Variants in COL18A1 observed in about 807,000 individuals in gnomAD.
COL18A1 encodes the protein collagen type XVIII alpha 1 chain.
Under a neutral mutation model 168.0 loss-of-function variants are expected in COL18A1, and 133 were observed. That is an observed-to-expected ratio of 0.79 (90% CI 0.69 to 0.91). COL18A1 has a LOEUF of 0.91. COL18A1 is among the 40% of genes least tolerant of loss of function. The pLI is 0.00. For synonymous variants in COL18A1, 949 were observed against 809.0 expected (o/e 1.17, Z -2.94); for missense variants, 2,126 against 1,925.4 (o/e 1.10, Z -1.95).
At chr21:45,467,095 T>A (rs2035238571) in intron 2 of COL18A1, among the ~76,000 whole-genome samples, 1 of 152,246 alleles carries the variant, frequency 6.6e-6, no homozygotes, top group Non-Finnish European at 1.5e-5. Flanking sequence ...CCTCTGCCCC[T>A]GGCCCAGACT....
At chr21:45,503,756 T>TGA (rs2037007359) in intron 32 of COL18A1, among the ~76,000 whole-genome samples, 2 of 151,902 alleles carry the variant, frequency 1.3e-5, no homozygotes, top group Non-Finnish European at 2.9e-5. Context: ...CTGCACATCA[T>TGA]GCACATGTAC....
chr21:45,503,364 G>A (rs2036969306), intron 32 of COL18A1, among the ~76,000 whole-genome samples: 1 of 151,994 alleles, frequency 6.6e-6, no homozygotes, highest in Non-Finnish European at 1.5e-5. Flanking sequence ...CTGCATAAAT[G>A]TCTTCTTTTG....
At chr21:45,433,397 G>T (rs1309233047) in intron 2 of COL18A1, among the ~76,000 whole-genome samples, 1 of 152,198 alleles carries the variant, frequency 6.6e-6, no homozygotes, top group Non-Finnish European at 1.5e-5. Flanking sequence ...AGCCTCTCTG[G>T]TCGTCTTTGT....
Position 45,442,967 on chromosome 21 carries a change from TGGTGCTGGTGTGGGTGGC to T in COL18A1, c.107-25260_107-25243del, listed in dbSNP as rs1313749557. ...TGGGCAGCGGTGCTGATGTGGGTGGTGGTGCTGGTGTGGGTGGCGGTGCTGGTGTGGGCGGCGGTGCTG... is the reference window on the plus strand; with the variant it reads ...TGGGCAGCGGTGCTGATGTGGGTGGTGGTGCTGGTGTGGGCGGCGGTGCTG... On this transcript the variant is annotated intron_variant, in intron 2 of 41. Coordinates refer to ENST00000651438, the MANE Select transcript of COL18A1 (RefSeq NM_001379500.1). 5.8e-4 allele frequency among the ~76,000 whole-genome samples: 65 copies of T among 112,212 alleles called. 1 individual carries two copies. The highest frequency in any genetic ancestry group is 2.3e-3 in the African/African-American group (58 of 25,092). The allele number at this position is 112,212 out of a possible 152,430, so 73.6% of individuals were successfully genotyped here.
At chr21:45,501,271 A>C (rs1006057731) in intron 32 of COL18A1, among the ~76,000 whole-genome samples, 2 of 152,078 alleles carry the variant, frequency 1.3e-5, no homozygotes, top group African/African-American at 4.8e-5. Context: ...AAAAATTGGC[A>C]AAGTGAAAAA....
At chr21:45,481,780 C>T (rs564027801) in intron 13 of COL18A1, among the ~76,000 whole-genome samples, 183 bp from the exon 14 acceptor site, 14 of 152,358 alleles carry the variant, frequency 9.2e-5, no homozygotes, top group Admixed American at 3.9e-4. Flanking sequence ...AATGTGGCCG[C>T]GAAACTGCGG....
chr21:45,468,420 G>C lies in COL18A1; in HGVS notation c.285G>C (p.Leu95=), dbSNP rs1421612587. Residue 95 remains leucine, a synonymous_variant, in exon 3 of 42, where the codon CTG becomes CTC. Transcript: ENST00000651438. ...TCTTCTTCCGTGACTTCTCACTGCTGTTCCACATCCGGCCAGCCACAGAGG... is the reference window on the plus strand; with the variant it reads ...TCTTCTTCCGTGACTTCTCACTGCTCTTCCACATCCGGCCAGCCACAGAGG... ...PSLFFRDFSL[L]FHIRPATEGP... 2 of 1,613,950 alleles carry C rather than the reference G, an allele frequency of 1.2e-6. No homozygotes were observed. The highest frequency in any genetic ancestry group is 2.2e-5 in the East Asian group (1 of 44,894).
chr21:45,435,237 T>G (rs1230839269), intron 2 of COL18A1, among the ~76,000 whole-genome samples: 6 of 75,460 alleles, frequency 8.0e-5, no homozygotes, highest in Admixed American at 3.5e-4. Context: ...GAAGGTGGGG[T>G]GGGGGCGGGA....
chr21:45,512,078 C>T lies in COL18A1; in HGVS notation c.3810-110C>T, dbSNP rs2037643830. On this transcript the variant is annotated intron_variant, in intron 41 of 41. Coordinates refer to ENST00000651438, the MANE Select transcript of COL18A1 (RefSeq NM_001379500.1). ...AGGTTGTGGGAGCCTCTGCAGCCCC[C>T]TGGTAACCCCAGGGCTGGCCTCCTG... 3 of 1,234,322 alleles carry T rather than the reference C, an allele frequency of 2.4e-6. No homozygotes were observed. The South Asian group carries it at 3.9e-5, about 16-fold the overall frequency. The allele number at this position is 1,234,322 out of a possible 1,614,324, so 76.5% of individuals were successfully genotyped here. A position where few individuals can be genotyped will look rare whatever the true frequency, so the allele number is the denominator to read the frequency against.
intron 32 of COL18A1, among the ~76,000 whole-genome samples, chr21:45,500,429 G>A (rs1352125224): frequency 1.4e-4 from 19 of 139,282 alleles, no homozygotes; most frequent in African/African-American, 5.1e-4. Context: ...TGTGGGGTGT[G>A]TGTGGAGTGT....
chr21:45,479,073 G>A (rs570788406), intron 9 of COL18A1, among the ~76,000 whole-genome samples: 3 of 136,660 alleles, frequency 2.2e-5, no homozygotes, highest in Non-Finnish European at 3.2e-5. Context: ...CAGGGTACAC[G>A]CACGCGTGTG....
In COL18A1 at chr21:45,490,272, C is replaced by T. The variant is rs763446887; in HGVS notation, c.1960-3C>T. ...CCCTGCGTCCTCCATGTGACCCTTT[C>T]AGGGAGAAGTTGGAGCAGATGGAGT... On this transcript the variant is annotated splice_polypyrimidine_tract_variant and splice_region_variant and intron_variant, in intron 19 of 41. Transcript: ENST00000651438. 2.5e-6 allele frequency: 4 copies of T among 1,579,560 alleles called. No individual in the cohort carries two copies. The highest frequency in any genetic ancestry group is 3.4e-6 in the Non-Finnish European group (4 of 1,163,442).
At chr21:45,446,134 G>A (rs896148567) in intron 2 of COL18A1, among the ~76,000 whole-genome samples, 1 of 152,170 alleles carries the variant, frequency 6.6e-6, no homozygotes, top group African/African-American at 2.4e-5. Context: ...ATCCAGCTTC[G>A]CCCTTTTGCG....
chr21:45,494,983 A>G (rs1366894582), intron 28 of COL18A1, 68 bp downstream of exon 28: 4 of 1,379,582 alleles, frequency 2.9e-6, no homozygotes, highest in Admixed American at 1.9e-5. Flanking sequence ...GCCCAGGCCC[A>G]CGGGGGTGAC....
chr21:45,484,382 A>G lies in COL18A1; in HGVS notation c.1701+1561A>G, dbSNP rs557434554. 4.0e-4 allele frequency among the ~76,000 whole-genome samples: 49 copies of G among 123,296 alleles called. 1 individual carries two copies. Among genetic ancestry groups the G allele is most frequent in the African/African-American group, 1.6e-3 (46 of 29,068 alleles). 80.9% of individuals were successfully genotyped at this position (123,296 alleles called of 152,430 possible). On this transcript the variant is annotated intron_variant, in intron 15 of 41. Coordinates refer to ENST00000651438, the MANE Select transcript of COL18A1 (RefSeq NM_001379500.1). Reference sequence around the variant, plus strand: ...CGCACACACATACACGCACACACACATCTCCAGCATGTGTGTACACACACA... The same window carrying G: ...CGCACACACATACACGCACACACACGTCTCCAGCATGTGTGTACACACACA...
intron 2 of COL18A1, 77 bp downstream of exon 2, chr21:45,405,550 C>A: frequency 1.1e-6 from 1 of 906,760 alleles, no homozygotes; most frequent in Non-Finnish European, 1.4e-6. Context: ...CCCCGCCCGG[C>A]TCCCTCACCC....
At chr21:45,472,098 G>A (rs1218866720) in intron 3 of COL18A1, among the ~76,000 whole-genome samples, 1 of 152,206 alleles carries the variant, frequency 6.6e-6, no homozygotes. Flanking sequence ...GGCCTCACGG[G>A]CCTCTCTGGA....
chr21:45,471,530 C>T lies in COL18A1; in HGVS notation c.652-2365C>T, dbSNP rs1054328525. The stretch of plus-strand genomic sequence containing the variant: ...ACCCTGGCGCTGCCACAGATGGTGC[C>T]TGGGACCCCCGGCCGCAGCTGGGTC... On this transcript the variant is annotated intron_variant, in intron 3 of 41. Transcript: ENST00000651438. This position sits in a 1 kb window ranked among gnomAD's most constrained non-coding sequence, Gnocchi z 4.4. Among the ~76,000 whole-genome samples, 4 of 152,332 alleles carry T rather than the reference C, an allele frequency of 2.6e-5. No individual in the cohort carries two copies. The highest frequency in any genetic ancestry group is 7.2e-5 in the African/African-American group (3 of 41,566).
At chr21:45,455,930 ACTGAGAG>A in intron 2 of COL18A1, 1 of 1,613,024 alleles carries the variant, frequency 6.2e-7, no homozygotes, top group Non-Finnish European at 8.5e-7. Context: ...CACTGTCCCC[ACTGAGAG>A]CTTGGCCAGG....
Sources: gnomAD v4.1 joint callset for allele counts (sites outside exome capture counted in the v4.1 genomes callset) on GRCh38, gnomAD v4.1.1 for gene constraint, Gnocchi (gnomAD v3.1) non-coding constraint, MANE v1.5 for transcripts, NCBI Gene and HGNC (gene_info 2026-07-23, HGNC 2026-07-21) for gene names.